Variants in MAGI2 observed in about 807,000 individuals in gnomAD.
MAGI2 encodes the protein membrane associated guanylate kinase, WW and PDZ domain containing 2.
MAGI2 carries 35 observed loss-of-function variants against 133.3 expected under a neutral mutation model. The observed-to-expected ratio is 0.26, with a 90% CI of 0.20 to 0.35. The LOEUF (loss-of-function observed/expected upper bound fraction) is 0.35, where lower values mean the gene tolerates loss of function less well. MAGI2 is among the 10% of genes least tolerant of loss of function. The probability of loss-of-function intolerance (pLI) is 1.00; values close to 1 mark genes in which losing one functional copy is unlikely to be tolerated. For synonymous variants in MAGI2, 729 were observed against 710.6 expected, an observed-to-expected ratio of 1.03 and a Z score of -0.41; for missense variants, 1,636 against 1,863.4, an observed-to-expected ratio of 0.88 and a Z score of 2.25.
chr7:79,109,670 CA>C (rs1189361506), intron 1 of MAGI2, among the ~76,000 whole-genome samples: 8 of 152,182 alleles, frequency 5.3e-5, no homozygotes, highest in Non-Finnish European at 4.4e-5. Flanking sequence ...AATAGGAATA[CA>C]AGCAGGCTGT....
At chr7:78,105,148 A>C (rs904822651) in intron 20 of MAGI2, among the ~76,000 whole-genome samples, 2 of 152,088 alleles carry the variant, frequency 1.3e-5, no homozygotes, top group Admixed American at 6.5e-5. Context: ...TTTTTAGCTC[A>C]ACATTGTGAA....
At chr7:78,382,781 G>A (rs1795043319) in intron 6 of MAGI2, among the ~76,000 whole-genome samples, 5 of 151,760 alleles carry the variant, frequency 3.3e-5, no homozygotes, top group Admixed American at 3.3e-4. Context: ...ACCTTTCATA[G>A]TCTTTTATCT....
At chr7:78,118,342 T>C (rs1820083773) in intron 20 of MAGI2, among the ~76,000 whole-genome samples, 1 of 152,058 alleles carries the variant, frequency 6.6e-6, no homozygotes, top group Non-Finnish European at 1.5e-5. Flanking sequence ...AAAGAAATAA[T>C]TAGGAAGCTG....
At chr7:78,093,136 CAAAAAAAAAA>C (rs1157039018) in intron 20 of MAGI2, among the ~76,000 whole-genome samples, 32 of 32,322 alleles carry the variant, frequency 9.9e-4, no homozygotes, top group Non-Finnish European at 1.5e-3. Context: ...ACTCCTTCTC[CAAAAAAAAAA>C]AAAAAAAAAA....
At chr7:78,385,996 T>TC (rs921122342) in intron 6 of MAGI2, among the ~76,000 whole-genome samples, 119 of 151,558 alleles carry the variant, frequency 7.9e-4, no homozygotes, top group African/African-American at 2.3e-3. Flanking sequence ...GAGCAAAACT[T>TC]CCCCCCCTAG....
intron 20 of MAGI2, among the ~76,000 whole-genome samples, chr7:78,096,034 T>TA (rs993958394): frequency 6.6e-6 from 1 of 152,222 alleles, no homozygotes; most frequent in Non-Finnish European, 1.5e-5. Flanking sequence ...AGCCAAATTG[T>TA]AAAAAGGGTT....
At chr7:79,031,545 A>T (rs186732295) in intron 1 of MAGI2, among the ~76,000 whole-genome samples, 2 of 152,278 alleles carry the variant, frequency 1.3e-5, no homozygotes, top group African/African-American at 2.4e-5. Flanking sequence ...TTGAGAGCTC[A>T]ATCTGGACAA....
intron 2 of MAGI2, among the ~76,000 whole-genome samples, chr7:78,662,661 A>C (rs1813101339): frequency 6.6e-6 from 1 of 152,222 alleles, no homozygotes; most frequent in Admixed American, 6.5e-5. Context: ...TAAAATATAT[A>C]GGCAAAGACA....
At chr7:78,172,814 T>C (rs1366217205) in intron 14 of MAGI2, among the ~76,000 whole-genome samples, 1 of 152,212 alleles carries the variant, frequency 6.6e-6, no homozygotes. Flanking sequence ...ACATTTTGTT[T>C]GTTATCTCTG....
At chr7:78,748,566 AT>A (rs1407162060) in intron 2 of MAGI2, among the ~76,000 whole-genome samples, 1 of 152,154 alleles carries the variant, frequency 6.6e-6, no homozygotes, top group African/African-American at 2.4e-5. Flanking sequence ...ATCCTATGTT[AT>A]TTGTGTCTTT....
intron 4 of MAGI2, among the ~76,000 whole-genome samples, chr7:78,506,274 AAGG>A (rs1239876457): frequency 6.6e-6 from 1 of 152,112 alleles, no homozygotes; most frequent in East Asian, 1.9e-4. Flanking sequence ...GGAAACAGGG[AAGG>A]AGGAGTAGGA....
intron 2 of MAGI2, among the ~76,000 whole-genome samples, chr7:78,860,529 G>A (rs2151499572): frequency 6.6e-6 from 1 of 152,294 alleles, no homozygotes; most frequent in Admixed American, 6.5e-5. Flanking sequence ...CTGTTTGCCT[G>A]GGTATCACCA....
chr7:78,883,769 T>C (rs1331523316), intron 2 of MAGI2, among the ~76,000 whole-genome samples: 1 of 152,164 alleles, frequency 6.6e-6, no homozygotes, highest in Non-Finnish European at 1.5e-5. Flanking sequence ...ACTCCCTATT[T>C]AATAACTGGT....
intron 2 of MAGI2, among the ~76,000 whole-genome samples, chr7:78,671,660 G>T (rs1814409098): frequency 6.6e-6 from 1 of 152,046 alleles, no homozygotes; most frequent in African/African-American, 2.4e-5. Flanking sequence ...TAATCACTTG[G>T]CACTGCATAA....
chr7:79,299,270 G>A (rs1837190837), intron 1 of MAGI2, among the ~76,000 whole-genome samples: 1 of 152,000 alleles, frequency 6.6e-6, no homozygotes, highest in Non-Finnish European at 1.5e-5. Context: ...AAATGGGAAT[G>A]AGAATAAATG....
chr7:78,086,931 T>G (rs1420332747), intron 20 of MAGI2, among the ~76,000 whole-genome samples: 3 of 152,224 alleles, frequency 2.0e-5, no homozygotes, highest in Non-Finnish European at 4.4e-5. Flanking sequence ...CTACTGCGTC[T>G]GGCCCTTCCT....
At chr7:78,283,187 T>G (rs1324945808) in intron 9 of MAGI2, among the ~76,000 whole-genome samples, 2 of 152,128 alleles carry the variant, frequency 1.3e-5, no homozygotes, top group Non-Finnish European at 2.9e-5. Context: ...AAAATTTGAA[T>G]ATTCTAAAAC....
chr7:79,058,922 T>C (rs184078917), intron 1 of MAGI2, among the ~76,000 whole-genome samples: 2 of 152,254 alleles, frequency 1.3e-5, no homozygotes, highest in Admixed American at 6.5e-5. Flanking sequence ...TAATAGCATT[T>C]ACTTTTCAGG....
intron 1 of MAGI2, among the ~76,000 whole-genome samples, chr7:79,443,601 A>T (rs902030456): frequency 6.6e-6 from 1 of 152,158 alleles, no homozygotes; most frequent in African/African-American, 2.4e-5. Context: ...TACTCATATA[A>T]GCAAAAATAC....
Sources: allele counts gnomAD v4.1 joint callset (sites outside exome capture counted in the v4.1 genomes callset), GRCh38; gene constraint gnomAD v4.1.1; transcripts MANE v1.5; gene names NCBI Gene and HGNC (gene_info 2026-07-23, HGNC 2026-07-21).